The following ZRANB3 variants were observed in gnomAD, a reference collection of about 807,000 sequenced individuals.
ZRANB3 encodes DNA annealing helicase and endonuclease ZRANB3.
In ZRANB3, 125 loss-of-function variants were observed where a neutral mutation model predicts 133.8. The observed-to-expected ratio is 0.93, with a 90% CI of 0.81 to 1.08. The LOEUF (loss-of-function observed/expected upper bound fraction) is 1.08, where lower values mean the gene tolerates loss of function less well. ZRANB3 is among the 50% of genes least tolerant of loss of function. The pLI is 0.00. For missense variants in ZRANB3, 1,229 were observed against 1,275.5 expected, an observed-to-expected ratio of 0.96 and a Z score of 0.56; for synonymous variants, 387 against 432.7, an observed-to-expected ratio of 0.89 and a Z score of 1.31.
intron 12 of ZRANB3, among the ~76,000 whole-genome samples, chr2:135,237,923 C>G (rs1030000596): frequency 6.6e-6 from 1 of 152,094 alleles, no homozygotes; most frequent in Admixed American, 6.5e-5. Context: ...CACATGTACC[C>G]TAAAAGTATA....
chr2:135,345,480 GAATGATT>G, intron 6 of ZRANB3, 63 bp downstream of exon 6: 1 of 1,091,030 alleles, frequency 9.2e-7, no homozygotes, highest in Non-Finnish European at 1.3e-6. Context: ...AAAAAAAAAA[GAATGATT>G]AATAAAGCAA....
At chr2:135,403,254 C>G (rs1209256203) in intron 2 of ZRANB3, among the ~76,000 whole-genome samples, 1 of 152,204 alleles carries the variant, frequency 6.6e-6, no homozygotes, top group Non-Finnish European at 1.5e-5. Context: ...CCCTCCCACC[C>G]TAATACTGTG....
intron 8 of ZRANB3, among the ~76,000 whole-genome samples, chr2:135,279,310 A>G (rs1680988140): frequency 6.6e-6 from 1 of 152,218 alleles, no homozygotes; most frequent in Admixed American, 6.5e-5. Flanking sequence ...TTGCATGTCT[A>G]AGTTTTCTAA....
chr2:135,465,108 G>GT (rs1355660570), intron 2 of ZRANB3, among the ~76,000 whole-genome samples: 8 of 152,198 alleles, frequency 5.3e-5, no homozygotes, highest in Non-Finnish European at 1.2e-4. Flanking sequence ...TGTGTGGGAG[G>GT]TATTTTGTAA....
At chr2:135,422,643 G>C (rs766596889) in intron 2 of ZRANB3, among the ~76,000 whole-genome samples, 1 of 152,116 alleles carries the variant, frequency 6.6e-6, no homozygotes, top group Non-Finnish European at 1.5e-5. Context: ...GACCAGAAAA[G>C]CAACCTGATT....
intron 2 of ZRANB3, among the ~76,000 whole-genome samples, chr2:135,438,036 C>T (rs1189896471): frequency 1.3e-5 from 2 of 152,076 alleles, no homozygotes; most frequent in African/African-American, 4.8e-5. Context: ...CATGTGTGCT[C>T]CTGATTCTTG....
At chr2:135,321,037 G>C (rs1371601800) in intron 6 of ZRANB3, among the ~76,000 whole-genome samples, 1 of 152,090 alleles carries the variant, frequency 6.6e-6, no homozygotes, top group Non-Finnish European at 1.5e-5. Flanking sequence ...CACAATTTCT[G>C]CAATCACATT....
intron 2 of ZRANB3, among the ~76,000 whole-genome samples, chr2:135,408,874 T>G (rs567701649): frequency 6.6e-6 from 1 of 152,124 alleles, no homozygotes; most frequent in East Asian, 1.9e-4. Context: ...TATCTAATGT[T>G]AAATGACAAA....
At chr2:135,455,652 C>T (rs563325806) in intron 2 of ZRANB3, among the ~76,000 whole-genome samples, 68 of 140,294 alleles carry the variant, frequency 4.8e-4, no homozygotes, top group Non-Finnish European at 9.2e-4. Flanking sequence ...AGTGCAGTGG[C>T]GCGATCTCGG....
chr2:135,408,387 C>T (rs544745743), intron 2 of ZRANB3, among the ~76,000 whole-genome samples: 2 of 152,108 alleles, frequency 1.3e-5, no homozygotes, highest in East Asian at 3.9e-4. Context: ...GGACTGTAAA[C>T]TAGTTCAGCC....
At chr2:135,308,123 T>C (rs1030301316) in intron 8 of ZRANB3, among the ~76,000 whole-genome samples, 1 of 152,134 alleles carries the variant, frequency 6.6e-6, no homozygotes, top group African/African-American at 2.4e-5. Context: ...GGTGGGACTT[T>C]CTTGGTGTTC....
chr2:135,257,523 G>T (rs918009567), intron 12 of ZRANB3, among the ~76,000 whole-genome samples: 15 of 152,116 alleles, frequency 9.9e-5, no homozygotes, highest in Non-Finnish European at 2.2e-4. Flanking sequence ...TTACAAAATG[G>T]TTGCATCATT....
chr2:135,223,348 C>G (rs1694630087), intron 15 of ZRANB3, among the ~76,000 whole-genome samples: 1 of 147,906 alleles, frequency 6.8e-6, no homozygotes, highest in Non-Finnish European at 1.5e-5. Flanking sequence ...TTTTTTGAGA[C>G]AGAGTCTCAT....
At chr2:135,312,544 G>A (rs1362247541) in intron 8 of ZRANB3, among the ~76,000 whole-genome samples, 2 of 152,180 alleles carry the variant, frequency 1.3e-5, no homozygotes, top group Non-Finnish European at 2.9e-5. Flanking sequence ...TTACTTGACA[G>A]TTACACTAAT....
intron 3 of ZRANB3, among the ~76,000 whole-genome samples, chr2:135,382,064 G>A (rs540936079): frequency 3.3e-5 from 5 of 152,224 alleles, no homozygotes; most frequent in South Asian, 4.1e-4. Flanking sequence ...GAGGAAGTAC[G>A]AACCCAATGC....
chr2:135,480,626 T>C (rs1317688108), intron 2 of ZRANB3, among the ~76,000 whole-genome samples: 1 of 151,960 alleles, frequency 6.6e-6, no homozygotes, highest in Non-Finnish European at 1.5e-5. Context: ...TTATTATTAT[T>C]ATTATACTTT....
intron 6 of ZRANB3, among the ~76,000 whole-genome samples, chr2:135,338,915 T>C (rs549741327): frequency 3.3e-5 from 5 of 152,242 alleles, no homozygotes; most frequent in Admixed American, 6.5e-5. Context: ...GATAAACTTA[T>C]ATTTTAATTG....
intron 16 of ZRANB3, 41 bp from the exon 17 acceptor site, chr2:135,217,648 C>A (rs996089998): frequency 6.3e-7 from 1 of 1,589,780 alleles, no homozygotes; most frequent in Non-Finnish European, 8.5e-7. Context: ...AGCTCACAGG[C>A]AGATATCTTC....
At chr2:135,337,814 A>C (rs1684435036) in intron 6 of ZRANB3, among the ~76,000 whole-genome samples, 1 of 152,142 alleles carries the variant, frequency 6.6e-6, no homozygotes, top group Non-Finnish European at 1.5e-5. Context: ...TTTTTCTTTT[A>C]TACAGAAGTA....
Sources: allele counts gnomAD v4.1 joint callset (sites outside exome capture counted in the v4.1 genomes callset), GRCh38; gene constraint gnomAD v4.1.1; transcripts MANE v1.5; gene names NCBI Gene and HGNC (gene_info 2026-07-23, HGNC 2026-07-21).